CFAP90: variants seen among roughly 807,000 people sequenced by gnomAD.
The protein encoded by CFAP90 is cilia- and flagella-associated protein 90.
At chr5:7,841,913 C>T in the CFAP90 span, among the ~76,000 whole-genome samples, 1 of 152,042 alleles carries the variant, frequency 6.6e-6, no homozygotes, top group Admixed American at 6.6e-5. Context: ...ATGATCTGTA[C>T]AACCCACCAT....
At chr5:7,844,032 G>T in the CFAP90 span, among the ~76,000 whole-genome samples, 10 of 151,946 alleles carry the variant, frequency 6.6e-5, no homozygotes, top group East Asian at 1.9e-4. Context: ...CATGTGAAAG[G>T]TCTCCACTAG....
the CFAP90 span, chr5:7,830,409 T>TAG: frequency 6.6e-6 from 1 of 152,346 alleles, no homozygotes; most frequent in Middle Eastern, 3.4e-3. Context: ...TACAGTCACT[T>TAG]ACAGATGCCT....
chr5:7,835,049 C>G, the CFAP90 span, among the ~76,000 whole-genome samples: 1 of 152,118 alleles, frequency 6.6e-6, no homozygotes, highest in Non-Finnish European at 1.5e-5. Context: ...ATCATACAAA[C>G]GTTTTGGTGT....
the CFAP90 span, among the ~76,000 whole-genome samples, chr5:7,832,484 G>C: frequency 1.3e-5 from 2 of 151,872 alleles, no homozygotes; most frequent in African/African-American, 4.8e-5. Flanking sequence ...TCACTACCTA[G>C]AATTTGCTCA....
At chr5:7,833,366 CAT>C in the CFAP90 span, among the ~76,000 whole-genome samples, 10 of 134,126 alleles carry the variant, frequency 7.5e-5, no homozygotes, top group Non-Finnish European at 4.9e-5. Context: ...TGTATTCACA[CAT>C]ATATACACAC....
At chr5:7,850,903 T>C in the CFAP90 span, 1 of 1,358,028 alleles carries the variant, frequency 7.4e-7, no homozygotes, top group African/African-American at 1.5e-5. Context: ...GTAGCTGTGC[T>C]CTTTGGGGTC....
the CFAP90 span, chr5:7,831,569 G>A: frequency 1.6e-5 from 5 of 306,660 alleles, no homozygotes; most frequent in African/African-American, 4.2e-5. Flanking sequence ...ACAATGAATC[G>A]GTCTCCAGAT....
chr5:7,850,855 G>A, the CFAP90 span: 7 of 1,290,174 alleles, frequency 5.4e-6, no homozygotes, highest in Non-Finnish European at 6.9e-6. Context: ...CGGTCTCCGC[G>A]CCCAGTCCGC....
chr5:7,830,882 T>C, the CFAP90 span: 2 of 152,208 alleles, frequency 1.3e-5, no homozygotes, highest in Non-Finnish European at 2.9e-5. Flanking sequence ...CCAAAGTAAG[T>C]ATTTCCAACT....
At chr5:7,835,561 T>C in the CFAP90 span, 2 of 952,696 alleles carry the variant, frequency 2.1e-6, no homozygotes, top group Non-Finnish European at 3.3e-6. Context: ...TGAGGCCCGA[T>C]GGAGCACAGA....
the CFAP90 span, among the ~76,000 whole-genome samples, chr5:7,849,304 T>A: frequency 1.3e-5 from 2 of 152,050 alleles, no homozygotes; most frequent in African/African-American, 4.8e-5. Context: ...AGAAGGGGAA[T>A]TTATTTAGGG....
the CFAP90 span, among the ~76,000 whole-genome samples, chr5:7,839,420 C>A: frequency 9.8e-5 from 15 of 152,328 alleles, no homozygotes; most frequent in East Asian, 2.9e-3. Flanking sequence ...CCCTCCTGAA[C>A]TGAGTGAGCC....
the CFAP90 span, among the ~76,000 whole-genome samples, chr5:7,846,948 T>G: frequency 6.6e-6 from 1 of 152,288 alleles, no homozygotes; most frequent in Non-Finnish European, 1.5e-5. Context: ...TTTCACCACG[T>G]TGGCTGGGCT....
chr5:7,830,883 A>C, the CFAP90 span: 4 of 152,182 alleles, frequency 2.6e-5, no homozygotes, highest in Non-Finnish European at 5.9e-5. Context: ...CAAAGTAAGT[A>C]TTTCCAACTT....
chr5:7,833,923 C>A, the CFAP90 span, among the ~76,000 whole-genome samples: 1 of 152,186 alleles, frequency 6.6e-6, no homozygotes, highest in Non-Finnish European at 1.5e-5. Context: ...AATAAACCTA[C>A]TGTGCGGCCA....
the CFAP90 span, among the ~76,000 whole-genome samples, chr5:7,839,238 T>A: frequency 4.6e-5 from 7 of 152,082 alleles, no homozygotes; most frequent in African/African-American, 1.7e-4. Context: ...ATGGGAATTG[T>A]GGGAGTTACA....
At chr5:7,849,939 G>C in the CFAP90 span, among the ~76,000 whole-genome samples, 4 of 151,946 alleles carry the variant, frequency 2.6e-5, no homozygotes, top group Non-Finnish European at 5.9e-5. Context: ...CAGCCCGCTG[G>C]GCGGCCCCGG....
chr5:7,837,284 T>C, the CFAP90 span, among the ~76,000 whole-genome samples: 1 of 152,166 alleles, frequency 6.6e-6, no homozygotes, highest in African/African-American at 2.4e-5. Flanking sequence ...ATGCATGTGT[T>C]AGCTGGTCTT....
At chr5:7,850,822 AGCCGC>A in the CFAP90 span, 1 of 999,770 alleles carries the variant, frequency 1.0e-6, no homozygotes, top group Non-Finnish European at 1.3e-6. Flanking sequence ...CCAGCCGCCC[AGCCGC>A]CCAGCCGCCC....
Sources: gnomAD v4.1 joint callset for allele counts (sites outside exome capture counted in the v4.1 genomes callset) on GRCh38, gnomAD v4.1.1 for gene constraint, MANE v1.5 for transcripts, NCBI Gene and HGNC (gene_info 2026-07-23, HGNC 2026-07-21) for gene names.